The following DLG4 variants were observed in gnomAD, a reference collection of about 807,000 sequenced individuals.
The protein encoded by DLG4 is disks large homolog 4.
A neutral mutation model predicts 93.8 loss-of-function variants in DLG4; 7 were observed. The observed-to-expected ratio is 0.07, with a 90% CI of 0.04 to 0.14. DLG4 has a LOEUF of 0.14. Among genes scored for constraint, DLG4 ranks in the 10% least tolerant of loss-of-function variants. The pLI is 1.00. For missense variants in DLG4, 545 were observed against 992.9 expected (o/e 0.55, Z 6.06); for synonymous variants, 341 against 387.6 (o/e 0.88, Z 1.41).
At chr17:7,190,835 G>C in intron 19 of DLG4, 21 bp from the exon 20 acceptor site, 1 of 1,607,028 alleles carries the variant, frequency 6.2e-7, no homozygotes, top group Non-Finnish European at 8.5e-7. Flanking sequence ...GGTGGAGCAG[G>C]GAGTGAGGCC....
In DLG4 at chr17:7,189,090, C is replaced by T. The variant is rs1005736117; in HGVS notation, c.*1618G>A. Among the ~76,000 whole-genome samples, 10 of 125,614 alleles carry T rather than the reference C, an allele frequency of 8.0e-5. No individual in the cohort carries two copies. Among genetic ancestry groups the T allele is most frequent in the Admixed American group, 9.7e-5 (1 of 10,284 alleles). 82.4% of individuals were successfully genotyped at this position (125,614 alleles called of 152,430 possible). On this transcript the variant is annotated 3_prime_UTR_variant, in exon 20 of 20. Coordinates refer to ENST00000399506, the MANE Select transcript of DLG4 (RefSeq NM_001321075.3). The stretch of plus-strand genomic sequence containing the variant: ...TCGCACCACAGCACTCCAGCCTGAG[C>T]GAAAGAGCGAAACTCTGTCTCAAAA...
chr17:7,196,704 C>T lies in DLG4; in HGVS notation c.1083+53G>A, dbSNP rs985608814. ...TCCAGGCCCCTCCCCAAGAGCTCTG[C>T]GCTCTGCCCTGTGGGGAGGGGGTGG... is the stretch of plus-strand genomic sequence containing the variant. On this transcript the variant is annotated intron_variant, in intron 9 of 19. Transcript: ENST00000399506. This position sits in a 1 kb window ranked among gnomAD's most constrained non-coding sequence, Gnocchi z 8.3. 1.1e-4 allele frequency: 172 copies of T among 1,578,150 alleles called. No individual in the cohort carries two copies. The highest frequency in any genetic ancestry group is 3.4e-4 in the Middle Eastern group (2 of 5,914).
At chr17:7,218,767 C>T, upstream of DLG4, 1 of 1,602,658 alleles carries the variant, frequency 6.2e-7, no homozygotes, top group Non-Finnish European at 8.5e-7. Context: ...GGAGAAGGAT[C>T]TCCGAGCCCC....
At position 7,194,025 on chromosome 17, in the gene DLG4, C is replaced by T. The variant is rs750735517; in HGVS notation, c.1479-25G>A. 3.1e-6 allele frequency: 5 copies of T among 1,611,922 alleles called. No individual in the cohort carries two copies. Among genetic ancestry groups the T allele is most frequent in the East Asian group, 2.2e-5 (1 of 44,856 alleles). On this transcript the variant is annotated intron_variant, in intron 12 of 19. Coordinates refer to ENST00000399506, the MANE Select transcript of DLG4 (RefSeq NM_001321075.3). The surrounding 1 kb of genome is among the most constrained non-coding windows in gnomAD (Gnocchi z 4.4). ...CCTGTGGGATACATGGAGGGATACG[C>T]GGGTAGGGGAATGCCTACCCCCTGC...
chr17:7,192,755 T>G (rs1597441460), intron 17 of DLG4, among the ~76,000 whole-genome samples, 190 bp downstream of exon 17: 18 of 136,730 alleles, frequency 1.3e-4, no homozygotes, highest in Admixed American at 2.9e-4. Context: ...GTGAGGGAGG[T>G]GGGAGAGAGA....
At chr17:7,192,261 C>G in intron 17 of DLG4, 1 of 411,464 alleles carries the variant, frequency 2.4e-6, no homozygotes, top group Non-Finnish European at 4.3e-6. Context: ...AAGGGAGGAG[C>G]ACCAGGCAGG....
intron 1 of DLG4, among the ~76,000 whole-genome samples, chr17:7,214,347 C>G (rs1458975181): frequency 6.6e-6 from 1 of 152,200 alleles, no homozygotes; most frequent in African/African-American, 2.4e-5. Context: ...AACCCAGCCC[C>G]AAGGTTCCTC....
At position 7,194,437 on chromosome 17, in the gene DLG4, A is replaced by G. The variant is rs752757856; in HGVS notation, c.1360T>C (p.Phe454Leu). Residue 454 changes from phenylalanine (F) to leucine (L), a missense_variant, in exon 12 of 20, where the codon TTC (phenylalanine) becomes CTC (leucine). Coordinates refer to ENST00000399506, the MANE Select transcript of DLG4 (RefSeq NM_001321075.3). The surrounding 1 kb of genome is among the most constrained non-coding windows in gnomAD (Gnocchi z 4.4). ...ACATGCAGCACATCCCCAAAGCGGA[A>G]GCTCAGGGCCTGGCTCAGGAAGCCG... Reference protein sequence around the residue: ...DCGFLSQALSFRFGDVLHVID... With the variant: ...DCGFLSQALSLRFGDVLHVID... The G allele has an allele frequency of 6.2e-7, 1 of 1,612,276 alleles. No individual in the cohort carries two copies.
intron 2 of DLG4, among the ~76,000 whole-genome samples, chr17:7,204,602 G>A (rs986726197): frequency 2.0e-5 from 3 of 151,800 alleles, no homozygotes; most frequent in Admixed American, 2.0e-4. Flanking sequence ...GTAGGCTTGG[G>A]GGAAGGGAGC....
chr17:7,202,326 A>G (rs1230792041), intron 8 of DLG4, among the ~76,000 whole-genome samples: 1 of 152,120 alleles, frequency 6.6e-6, no homozygotes, highest in Non-Finnish European at 1.5e-5. Context: ...TGGCCTCCCA[A>G]GTGCTGGGAT....
chr17:7,188,619 G>C lies in DLG4; in HGVS notation c.*2089C>G, dbSNP rs77041663. ...GCCAGGAAAATATGACTCCCTAAAA[G>C]AACTAAAATTATTTCTCCCTTATAA... On this transcript the variant is annotated 3_prime_UTR_variant, in exon 20 of 20. Transcript: ENST00000399506. Among the ~76,000 whole-genome samples, 1 of 152,114 alleles carries C rather than the reference G, an allele frequency of 6.6e-6. No homozygotes were observed. Among genetic ancestry groups the C allele is most frequent in the Non-Finnish European group, 1.5e-5 (1 of 68,004 alleles).
chr17:7,215,660 T>G (rs2070878497), intron 1 of DLG4, among the ~76,000 whole-genome samples: 1 of 152,156 alleles, frequency 6.6e-6, no homozygotes, highest in African/African-American at 2.4e-5. Flanking sequence ...AAAGTCGCCC[T>G]GGTGGAGAGA....
chr17:7,218,943 G>T, upstream of DLG4: 1 of 1,383,258 alleles, frequency 7.2e-7, no homozygotes, highest in Non-Finnish European at 1.0e-6. Flanking sequence ...AAAGTAGGCC[G>T]TCTCTGAGCC....
At chr17:7,200,855 G>A (rs979361409) in intron 8 of DLG4, among the ~76,000 whole-genome samples, 2 of 125,400 alleles carry the variant, frequency 1.6e-5, no homozygotes, top group Non-Finnish European at 3.4e-5. Flanking sequence ...AGCCTGTTTT[G>A]GTTTTTTTTT....
upstream of DLG4, among the ~76,000 whole-genome samples, chr17:7,218,009 C>T (rs1039887311): frequency 6.6e-6 from 1 of 151,742 alleles, no homozygotes; most frequent in African/African-American, 2.4e-5. Flanking sequence ...AAAGTTAAGC[C>T]CTAGACTCTT....
intron 1 of DLG4, among the ~76,000 whole-genome samples, chr17:7,210,579 T>G (rs888430675): frequency 4.6e-5 from 7 of 152,150 alleles, no homozygotes; most frequent in Admixed American, 4.6e-4. Flanking sequence ...CCTGAGAAGG[T>G]GGTCTTCTAC....
At position 7,203,925 on chromosome 17, in the gene DLG4, G is replaced by C. The variant is rs2070305780; in HGVS notation, c.210+83C>G. 1.3e-6 allele frequency: 2 copies of C among 1,586,964 alleles called. No homozygotes were observed. The highest frequency in any genetic ancestry group is 1.7e-6 in the Non-Finnish European group (2 of 1,166,222). On this transcript the variant is annotated intron_variant, in intron 4 of 19. Transcript: ENST00000399506. The surrounding 1 kb of genome is among the most constrained non-coding windows in gnomAD (Gnocchi z 7.2). ...GCCAGAGGAGGAAGGCACAGGGTGAGGGGCTAGCCACCCAGACCACATGGC... is the reference window on the plus strand; with the variant it reads ...GCCAGAGGAGGAAGGCACAGGGTGACGGGCTAGCCACCCAGACCACATGGC...
In DLG4 at chr17:7,194,258, C is replaced by A; in HGVS notation, c.1478+61G>T. ...CCCATCCCCTGTTGGCTGCCCACCC[C>A]GGGGGACCTTGGGAACTTCAGTGCC... On this transcript the variant is annotated intron_variant, in intron 12 of 19. Transcript: ENST00000399506. The surrounding 1 kb of genome is among the most constrained non-coding windows in gnomAD (Gnocchi z 4.4). 1 of 1,548,440 alleles carries A rather than the reference C, an allele frequency of 6.5e-7. No individual in the cohort carries two copies. Among genetic ancestry groups the A allele is most frequent in the East Asian group, 2.4e-5 (1 of 41,470 alleles).
chr17:7,195,967 G>A lies in DLG4; in HGVS notation c.1301+253C>T, dbSNP rs571386995. On this transcript the variant is annotated intron_variant, in intron 11 of 19. Coordinates refer to ENST00000399506, the MANE Select transcript of DLG4 (RefSeq NM_001321075.3). The surrounding 1 kb of genome is among the most constrained non-coding windows in gnomAD (Gnocchi z 4.3). ...AATTGTGGGGTGGCCTGGGAGTCCC[G>A]GGGAAGTGCTGGGATGACCAGGGGC... 1.9e-3 allele frequency among the ~76,000 whole-genome samples: 297 copies of A among 152,320 alleles called. 1 individual carries two copies. The highest frequency in any genetic ancestry group is 6.4e-3 in the African/African-American group (265 of 41,576).
Sources: gnomAD v4.1 joint callset for allele counts (sites outside exome capture counted in the v4.1 genomes callset) on GRCh38, gnomAD v4.1.1 for gene constraint, Gnocchi (gnomAD v3.1) non-coding constraint, MANE v1.5 for transcripts, NCBI Gene and HGNC (gene_info 2026-07-23, HGNC 2026-07-21) for gene names.